RBFOX3: variants seen among roughly 807,000 people sequenced by gnomAD.
RBFOX3 encodes the protein RNA binding protein fox-1 homolog 3.
In RBFOX3, 17 loss-of-function variants were observed where a neutral mutation model predicts 48.7. The ratio of observed to expected loss-of-function variants is 0.35; its 90% CI spans 0.24 to 0.52. The LOEUF (loss-of-function observed/expected upper bound fraction) is 0.52. Among genes scored for constraint, RBFOX3 ranks in the 20% least tolerant of loss-of-function variants. The probability of loss-of-function intolerance (pLI) is 0.94; values close to 1 mark genes in which losing one functional copy is unlikely to be tolerated. For synonymous variants in RBFOX3, 212 were observed against 209.5 expected, an observed-to-expected ratio of 1.01 and a Z score of -0.10; for missense variants, 382 against 497.5, an observed-to-expected ratio of 0.77 and a Z score of 2.21.
At chr17:79,109,988 C>T (rs931279685) in intron 5 of RBFOX3, among the ~76,000 whole-genome samples, 6 of 152,220 alleles carry the variant, frequency 3.9e-5, no homozygotes, top group Non-Finnish European at 1.5e-5. Context: ...GCTGTGAAAC[C>T]GTCAGGTGTG....
rs542952966 is a variant in RBFOX3, at chr17:79,112,455, C to T, written c.222+3039G>A. Among the ~76,000 whole-genome samples, 8 of 152,256 alleles carry T rather than the reference C, an allele frequency of 5.3e-5. No homozygotes were observed. The East Asian group carries it at 1.5e-3, about 29-fold the overall frequency. On this transcript the variant is annotated intron_variant, in intron 5 of 14. Coordinates refer to ENST00000693108, the MANE Select transcript of RBFOX3 (RefSeq NM_001350451.2). ...AGGAGCAGGAAGAGGCCTCGTGGTT[C>T]CAGAAATTCCAGGAAGGCCTTTCCG...
chr17:79,450,417 G>A (rs558977747), intron 2 of RBFOX3, among the ~76,000 whole-genome samples: 15 of 152,268 alleles, frequency 9.9e-5, no homozygotes, highest in East Asian at 9.7e-4. Context: ...GGCAAATGCC[G>A]AGGTATTGGC....
the RBFOX3 span, among the ~76,000 whole-genome samples, chr17:79,655,787 C>T: frequency 6.6e-6 from 1 of 152,166 alleles, no homozygotes; most frequent in African/African-American, 2.4e-5. Flanking sequence ...AAAATCATCC[C>T]TCAGTATGGG....
At chr17:79,658,949 A>C in the RBFOX3 span, among the ~76,000 whole-genome samples, 1 of 152,296 alleles carries the variant, frequency 6.6e-6, no homozygotes, top group African/African-American at 2.4e-5. Flanking sequence ...AAACACACTC[A>C]CATCTCATAG....
intron 2 of RBFOX3, among the ~76,000 whole-genome samples, chr17:79,422,010 T>G (rs562439407): frequency 1.1e-4 from 17 of 151,946 alleles, no homozygotes; most frequent in African/African-American, 4.1e-4. Flanking sequence ...GGCTGCTGGC[T>G]TCCAGCCTCA....
At chr17:79,184,983 G>A (rs1429119416) in intron 4 of RBFOX3, among the ~76,000 whole-genome samples, 2 of 152,222 alleles carry the variant, frequency 1.3e-5, no homozygotes, top group Non-Finnish European at 2.9e-5. Context: ...TGAGGAAGAG[G>A]GAACAAGGAA....
intron 3 of RBFOX3, among the ~76,000 whole-genome samples, chr17:79,302,502 A>G (rs2075470592): frequency 6.6e-6 from 1 of 152,186 alleles, no homozygotes; most frequent in Non-Finnish European, 1.5e-5. Context: ...CAACATGGTG[A>G]AACCCCTTCT....
chr17:79,182,925 A>C (rs1186416306), intron 4 of RBFOX3, among the ~76,000 whole-genome samples: 1 of 137,398 alleles, frequency 7.3e-6, no homozygotes, highest in Non-Finnish European at 1.6e-5. Flanking sequence ...GAAGTTCCCC[A>C]AAGTGACCCG....
At chr17:79,305,699 T>A (rs1014066591) in intron 3 of RBFOX3, among the ~76,000 whole-genome samples, 3 of 152,250 alleles carry the variant, frequency 2.0e-5, no homozygotes, top group African/African-American at 7.2e-5. Flanking sequence ...TACACAGCTC[T>A]GAGCTGAACA....
chr17:79,319,746 T>A (rs997200676), intron 2 of RBFOX3, among the ~76,000 whole-genome samples: 5 of 150,688 alleles, frequency 3.3e-5, no homozygotes, highest in African/African-American at 9.8e-5. Flanking sequence ...GCTGGTCTTG[T>A]CTGGGCTGCT....
chr17:79,651,864 AC>A, the RBFOX3 span, among the ~76,000 whole-genome samples: 5 of 28,828 alleles, frequency 1.7e-4, no homozygotes, highest in East Asian at 8.8e-3. Flanking sequence ...CCCCTCCACC[AC>A]CCCCCATCAC....
intron 1 of RBFOX3, among the ~76,000 whole-genome samples, chr17:79,521,331 TAC>T: frequency 6.7e-6 from 1 of 148,938 alleles, no homozygotes; most frequent in Non-Finnish European, 1.5e-5. Context: ...CACACATTCA[TAC>T]ACACATTCAC....
At chr17:79,655,573 G>A in the RBFOX3 span, among the ~76,000 whole-genome samples, 34,490 of 152,058 alleles carry the variant, frequency 0.23, 4,494 homozygotes, top group East Asian at 0.4. Flanking sequence ...GACCTGAGCC[G>A]GCAGGAGGCC....
At chr17:79,494,457 T>C (rs1294990840) in intron 1 of RBFOX3, among the ~76,000 whole-genome samples, 1 of 152,242 alleles carries the variant, frequency 6.6e-6, no homozygotes, top group Non-Finnish European at 1.5e-5. Flanking sequence ...CCCCCTCTTG[T>C]TCCTCACCAA....
rs544051756 is a variant in RBFOX3 at position 79,097,309 on chromosome 17, G to T, written c.738C>A (p.Pro246=). The change falls in exon 11 of 15, where the codon CCC becomes CCA. Residue 246 remains proline (P), a synonymous_variant. Transcript: ENST00000693108. ...GTACTCACGCTCCGTAAGTCGGGAT[G>T]GGGGGTGGGGGTGGCGCAGCCCGAA... ...NTFRAAPPPP[P]IPTYGAALEQ... The T allele has an allele frequency of 9.1e-6, 14 of 1,542,548 alleles. No homozygotes were observed. The highest frequency in any genetic ancestry group is 1.4e-5 in the African/African-American group (1 of 72,788).
the RBFOX3 span, among the ~76,000 whole-genome samples, chr17:79,623,098 A>G: frequency 6.6e-6 from 1 of 152,186 alleles, no homozygotes; most frequent in Non-Finnish European, 1.5e-5. Flanking sequence ...CCCCAGCAGA[A>G]TCCTTCCCAG....
chr17:79,345,248 G>C (rs1029874400), intron 2 of RBFOX3, among the ~76,000 whole-genome samples: 1 of 152,168 alleles, frequency 6.6e-6, no homozygotes, highest in African/African-American at 2.4e-5. Context: ...TGACATTTAC[G>C]TGCATAGAGT....
At chr17:79,112,441 G>T (rs949389142) in intron 5 of RBFOX3, among the ~76,000 whole-genome samples, 11 of 152,198 alleles carry the variant, frequency 7.2e-5, no homozygotes, top group Non-Finnish European at 1.0e-4. Context: ...GGAGCAGGAA[G>T]AGGCCTCGTG....
At chr17:79,358,864 A>G (rs559638111) in intron 2 of RBFOX3, among the ~76,000 whole-genome samples, 1 of 152,276 alleles carries the variant, frequency 6.6e-6, no homozygotes, top group East Asian at 1.9e-4. Flanking sequence ...CATGTGTATC[A>G]GCTCTACCTT....
Sources: gnomAD v4.1 joint callset for allele counts (sites outside exome capture counted in the v4.1 genomes callset) on GRCh38, gnomAD v4.1.1 for gene constraint, MANE v1.5 for transcripts, NCBI Gene and HGNC (gene_info 2026-07-23, HGNC 2026-07-21) for gene names.